Variants in CPLX1 observed in about 807,000 individuals in gnomAD.
The protein encoded by CPLX1 is complexin 1, also known as complexin-1.
CPLX1 carries 6 observed loss-of-function variants against 15.6 expected under a neutral mutation model. The ratio of observed to expected loss-of-function variants is 0.39; its 90% CI spans 0.21 to 0.76. CPLX1 has a LOEUF of 0.76. CPLX1 is among the 30% of genes least tolerant of loss of function. CPLX1 has a pLI of 0.43. For missense variants in CPLX1, 242 were observed against 188.6 expected (o/e 1.28, Z -1.66); for synonymous variants, 91 against 75.2 (o/e 1.21, Z -1.08).
At chr4:791,538 C>A (rs1468146591) in intron 3 of CPLX1, among the ~76,000 whole-genome samples, 2 of 152,170 alleles carry the variant, frequency 1.3e-5, no homozygotes, top group Non-Finnish European at 2.9e-5. Flanking sequence ...TCCCTGGGTG[C>A]GGCTGACACA....
At chr4:821,051 C>A (rs1471108612) in intron 2 of CPLX1, among the ~76,000 whole-genome samples, 1 of 152,192 alleles carries the variant, frequency 6.6e-6, no homozygotes, top group African/African-American at 2.4e-5. Flanking sequence ...TGTGTTCTCC[C>A]CAGATGTTCA....
chr4:804,843 G>A (rs1237779899), intron 2 of CPLX1: 8 of 982,532 alleles, frequency 8.1e-6, no homozygotes, highest in African/African-American at 7.0e-5. Context: ...GGGGAGCGAC[G>A]TGCTCAGCCT....
intron 2 of CPLX1, among the ~76,000 whole-genome samples, chr4:793,783 C>T (rs919306596): frequency 1.3e-5 from 2 of 152,226 alleles, no homozygotes; most frequent in Admixed American, 6.5e-5. Flanking sequence ...ACTGGCTCTG[C>T]CCCCTCCTTG....
chr4:799,203 G>A lies in CPLX1; in HGVS notation c.32-6595C>T, dbSNP rs1034668229. 3.9e-5 allele frequency among the ~76,000 whole-genome samples: 6 copies of A among 152,312 alleles called. No individual in the cohort carries two copies. In the Middle Eastern group the frequency reaches 0.01, roughly 259 times the overall value. On this transcript the variant is annotated intron_variant, in intron 2 of 3. Coordinates refer to ENST00000304062, the MANE Select transcript of CPLX1 (RefSeq NM_006651.4). Reference sequence around the variant, plus strand: ...CTCATTTCAGAAGGGGCCCTGCCCCGTGCCCTGGAGGAAGGAACGCTACAG... The same window carrying A: ...CTCATTTCAGAAGGGGCCCTGCCCCATGCCCTGGAGGAAGGAACGCTACAG...
chr4:826,077 C>CT lies in CPLX1; in HGVS notation c.-112_-111insA, dbSNP rs1746985093. ...GGGGCGCGGGCGGTCAGCGGCGGGGCGCGCTCGGGCCGGCTGGGTCCATGT... is the reference window on the plus strand; with the variant it reads ...GGGGCGCGGGCGGTCAGCGGCGGGGCTGCGCTCGGGCCGGCTGGGTCCATGT... On this transcript the variant is annotated 5_prime_UTR_variant, in exon 1 of 4. The change abolishes the stop of an existing upstream ORF in the 5' untranslated region. Coordinates refer to ENST00000304062, the MANE Select transcript of CPLX1 (RefSeq NM_006651.4). 6.9e-6 allele frequency: 1 copy of CT among 144,448 alleles called. No homozygotes were observed. The highest frequency in any genetic ancestry group is 1.5e-5 in the Non-Finnish European group (1 of 65,666). 8.9% of individuals were successfully genotyped at this position (144,448 alleles called of 1,614,324 possible). A position where few individuals can be genotyped will look rare whatever the true frequency, so the allele number is the denominator to read the frequency against.
At chr4:789,020 C>T (rs947865845) in intron 3 of CPLX1, among the ~76,000 whole-genome samples, 6 of 152,220 alleles carry the variant, frequency 3.9e-5, no homozygotes, top group Non-Finnish European at 8.8e-5. Context: ...GACCCCAGGC[C>T]CTGCCACCAG....
rs1347011051 is a variant in CPLX1, at chr4:785,892, A to G, written c.*609T>C. 2 of 152,232 alleles carry G rather than the reference A, an allele frequency of 1.3e-5. No individual in the cohort carries two copies. The highest frequency in any genetic ancestry group is 3.9e-4 in the East Asian group (2 of 5,172). 9.4% of individuals were successfully genotyped at this position (152,232 alleles called of 1,614,324 possible). The stretch of plus-strand genomic sequence containing the variant: ...CCTATTGCTTTGTTTCCTTTAGTTT[A>G]GAAGTGAACACGGCCGTGGCGTTCG... On this transcript the variant is annotated 3_prime_UTR_variant, in exon 4 of 4. Transcript: ENST00000304062.
chr4:821,746 C>G (rs894126055), intron 2 of CPLX1, among the ~76,000 whole-genome samples: 70 of 152,336 alleles, frequency 4.6e-4, no homozygotes, highest in African/African-American at 1.6e-3. Context: ...CGCTCCCCCA[C>G]GAGCGATCAC....
chr4:790,914 C>T (rs1471909964), intron 3 of CPLX1, among the ~76,000 whole-genome samples: 1 of 148,476 alleles, frequency 6.7e-6, no homozygotes, highest in Non-Finnish European at 1.5e-5. Context: ...TGTCTCTCTC[C>T]CCTCTCTCTT....
intron 2 of CPLX1, among the ~76,000 whole-genome samples, chr4:817,058 A>G (rs892428354): frequency 6.6e-6 from 1 of 152,194 alleles, no homozygotes; most frequent in Non-Finnish European, 1.5e-5. Flanking sequence ...AAAGCGTTTA[A>G]AAAGGCAACA....
chr4:815,990 T>C (rs976484122), intron 2 of CPLX1, among the ~76,000 whole-genome samples: 2 of 152,204 alleles, frequency 1.3e-5, no homozygotes, highest in African/African-American at 4.8e-5. Context: ...AGATCTTTTG[T>C]TGTCTGTCCT....
chr4:796,021 A>G (rs1746330279), intron 2 of CPLX1, among the ~76,000 whole-genome samples: 1 of 152,174 alleles, frequency 6.6e-6, no homozygotes, highest in African/African-American at 2.4e-5. Context: ...CACGCTCCCG[A>G]GACGCCCAGG....
intron 2 of CPLX1, among the ~76,000 whole-genome samples, chr4:800,515 C>T (rs535821794): frequency 6.9e-6 from 1 of 145,398 alleles, no homozygotes; most frequent in South Asian, 2.2e-4. Context: ...CACACACAGA[C>T]ACATATATGT....
At chr4:791,354 C>CG (rs1172791000) in intron 3 of CPLX1, among the ~76,000 whole-genome samples, 13 of 101,704 alleles carry the variant, frequency 1.3e-4, no homozygotes, top group African/African-American at 2.0e-4. Flanking sequence ...TGGCGGTGGG[C>CG]GGGGGGCTGC....
At chr4:822,282 CCTTTGTCT>C (rs891048157) in intron 2 of CPLX1, among the ~76,000 whole-genome samples, 7 of 128,388 alleles carry the variant, frequency 5.5e-5, no homozygotes, top group East Asian at 2.1e-4. Context: ...CTGCCCTCTT[CCTTTGTCT>C]GTCTGTCTCT....
At chr4:803,300 C>T (rs2152645648) in intron 2 of CPLX1, among the ~76,000 whole-genome samples, 1 of 152,242 alleles carries the variant, frequency 6.6e-6, no homozygotes, top group East Asian at 1.9e-4. Context: ...AAGACACAGT[C>T]ATGTGCCACA....
At chr4:791,398 T>G (rs1746171453) in intron 3 of CPLX1, among the ~76,000 whole-genome samples, 1 of 151,874 alleles carries the variant, frequency 6.6e-6, no homozygotes, top group African/African-American at 2.4e-5. Flanking sequence ...AATCCGTGGG[T>G]GGGGAGGAGC....
chr4:809,999 T>A (rs1410609730), intron 2 of CPLX1, among the ~76,000 whole-genome samples: 1 of 151,684 alleles, frequency 6.6e-6, no homozygotes, highest in Non-Finnish European at 1.5e-5. Context: ...CCCACCTGTG[T>A]GTGAACCGTG....
chr4:792,306 C>T (rs1746201931), intron 3 of CPLX1, 127 bp downstream of exon 3: 1 of 915,930 alleles, frequency 1.1e-6, no homozygotes, highest in Non-Finnish European at 1.6e-6. Context: ...TCTGAAGCCC[C>T]CAAAGGGTAG....
Sources: gnomAD v4.1 joint callset for allele counts (sites outside exome capture counted in the v4.1 genomes callset) on GRCh38, gnomAD v4.1.1 for gene constraint, MANE v1.5 for transcripts, NCBI Gene and HGNC (gene_info 2026-07-23, HGNC 2026-07-21) for gene names.